The following UBR3 variants were observed in gnomAD, a reference collection of about 807,000 sequenced individuals.
UBR3 encodes the protein E3 ubiquitin-protein ligase UBR3.
UBR3 carries 85 observed loss-of-function variants against 243.2 expected under a neutral mutation model. That is an observed-to-expected ratio of 0.35 (90% CI 0.29 to 0.42). UBR3 has a LOEUF of 0.42. UBR3 is among the 10% of genes least tolerant of loss of function. The pLI is 1.00. For missense variants in UBR3, 1,686 were observed against 2,300.8 expected (o/e 0.73, Z 5.47); for synonymous variants, 748 against 799.8 (o/e 0.94, Z 1.09).
At chr2:169,865,617 T>C (rs1020221482) in intron 1 of UBR3, among the ~76,000 whole-genome samples, 1 of 152,178 alleles carries the variant, frequency 6.6e-6, no homozygotes, top group African/African-American at 2.4e-5. Context: ...CTGCACAAAG[T>C]GTCCAAGAGA....
chr2:169,899,703 A>G (rs2084738813), intron 8 of UBR3, among the ~76,000 whole-genome samples: 1 of 150,754 alleles, frequency 6.6e-6, no homozygotes, highest in East Asian at 2.0e-4. Context: ...CCCTGTGTCC[A>G]TGTGTTCTCA....
In UBR3 at chr2:169,827,640, C is replaced by T; in HGVS notation, c.133C>T (p.Arg45Cys). Residue 45 changes from arginine (R) to cysteine (C), a missense_variant, in exon 1 of 39, where the codon CGC becomes TGC. Around this residue, in one of 8 missense-constraint regions of UBR3, gnomAD observed 79 missense variants for 73.2 expected, o/e 1.08. Coordinates refer to ENST00000272793, the MANE Select transcript of UBR3 (RefSeq NM_172070.4). Reference protein sequence around the residue: ...LKAALSRPDNRAGAEELQALL... With the variant: ...LKAALSRPDNCAGAEELQALL... ...GGCGGCCCTCAGCCGGCCGGACAAC[C>T]GCGCAGGTGCTGAGGAGCTGCAGGC... 1 of 1,262,816 alleles carries T rather than the reference C, an allele frequency of 7.9e-7. No homozygotes were observed. Among genetic ancestry groups the T allele is most frequent in the Non-Finnish European group, 1.0e-6 (1 of 1,003,842 alleles). The allele number at this position is 1,262,816 out of a possible 1,614,324, so 78.2% of individuals were successfully genotyped here. A position where few individuals can be genotyped will look rare whatever the true frequency, so the allele number is the denominator to read the frequency against.
At chr2:169,895,801 C>A (rs1237553905) in intron 7 of UBR3, among the ~76,000 whole-genome samples, 3 of 151,956 alleles carry the variant, frequency 2.0e-5, no homozygotes, top group African/African-American at 7.3e-5. Flanking sequence ...GTTTCTAGTC[C>A]CAGGGGGTCA....
intron 36 of UBR3, among the ~76,000 whole-genome samples, chr2:170,079,391 G>A (rs2091869057): frequency 6.6e-6 from 1 of 152,086 alleles, no homozygotes; most frequent in African/African-American, 2.4e-5. Flanking sequence ...ACCATGATCT[G>A]TCCTAAAGAA....
chr2:169,850,015 A>G (rs1238576393), intron 1 of UBR3, among the ~76,000 whole-genome samples: 3 of 151,944 alleles, frequency 2.0e-5, no homozygotes, highest in Non-Finnish European at 4.4e-5. Context: ...GTTAGTAGAG[A>G]GTTTTGTAGT....
chr2:169,941,704 T>C (rs533711088), intron 19 of UBR3, among the ~76,000 whole-genome samples: 61 of 152,334 alleles, frequency 4.0e-4, no homozygotes, highest in Non-Finnish European at 2.8e-4. Context: ...TAGGAAAACA[T>C]AGTATGTAGA....
intron 35 of UBR3, among the ~76,000 whole-genome samples, chr2:170,063,796 GA>G (rs2105448806): frequency 6.6e-6 from 1 of 152,046 alleles, no homozygotes. Flanking sequence ...TGCTTCCATG[GA>G]AAAAAATTAA....
intron 5 of UBR3, among the ~76,000 whole-genome samples, chr2:169,890,534 G>T (rs1488690604): frequency 0.032 from 555 of 17,216 alleles, 23 homozygotes; most frequent in East Asian, 0.18. Context: ...AGGAGAGAGA[G>T]AGAGAGATAT....
intron 35 of UBR3, among the ~76,000 whole-genome samples, chr2:170,065,945 A>G (rs2105450598): frequency 6.6e-6 from 1 of 151,850 alleles, no homozygotes; most frequent in African/African-American, 2.4e-5. Flanking sequence ...CCCCCCGCAA[A>G]AAAAATGCTT....
intron 6 of UBR3, among the ~76,000 whole-genome samples, chr2:169,894,079 T>G (rs72887757): frequency 0.085 from 12,903 of 152,082 alleles, 724 homozygotes; most frequent in Non-Finnish European, 0.13. Flanking sequence ...TAGAAAATTC[T>G]GAGTTTTGAA....
intron 5 of UBR3, among the ~76,000 whole-genome samples, chr2:169,887,966 G>T (rs2084170534): frequency 6.6e-6 from 1 of 151,304 alleles, no homozygotes; most frequent in Non-Finnish European, 1.5e-5. Flanking sequence ...AGTAGAGATG[G>T]GGTTTCTCCA....
chr2:169,986,900 A>G (rs1481928392), intron 25 of UBR3, 106 bp downstream of exon 25: 18 of 1,245,986 alleles, frequency 1.4e-5, no homozygotes, highest in Non-Finnish European at 2.0e-5. Context: ...GTCTACTTAT[A>G]ACTAGGCAAG....
At chr2:169,926,102 G>C (rs1324908560) in intron 14 of UBR3, among the ~76,000 whole-genome samples, 2 of 152,204 alleles carry the variant, frequency 1.3e-5, no homozygotes, top group Admixed American at 6.5e-5. Flanking sequence ...CCTGGCCCTG[G>C]GTTGATTTAG....
At chr2:169,926,787 T>A in intron 15 of UBR3, 43 bp downstream of exon 15, 2 of 1,544,146 alleles carry the variant, frequency 1.3e-6, no homozygotes, top group South Asian at 1.2e-5. Flanking sequence ...AAGTGTCCAG[T>A]TAATTTTGTT....
intron 35 of UBR3, among the ~76,000 whole-genome samples, chr2:170,071,654 A>AT (rs1239479668): frequency 1.3e-4 from 20 of 152,192 alleles, no homozygotes; most frequent in Non-Finnish European, 1.9e-4. Context: ...GTTAAACTAT[A>AT]TAAATGGAAG....
chr2:169,903,231 C>T (rs544398447), intron 8 of UBR3, among the ~76,000 whole-genome samples: 2 of 152,152 alleles, frequency 1.3e-5, no homozygotes, highest in African/African-American at 4.8e-5. Flanking sequence ...GATTCCAAGG[C>T]GTTTTTTACA....
chr2:169,872,925 T>A (rs1315323499), intron 2 of UBR3, among the ~76,000 whole-genome samples: 1 of 152,146 alleles, frequency 6.6e-6, no homozygotes, highest in East Asian at 1.9e-4. Flanking sequence ...TCTTACTTTT[T>A]AAGATTTAAT....
At chr2:169,921,886 G>T (rs2085712896) in intron 11 of UBR3, among the ~76,000 whole-genome samples, 1 of 152,134 alleles carries the variant, frequency 6.6e-6, no homozygotes, top group African/African-American at 2.4e-5. Context: ...AGCTACTCAG[G>T]AGGCTGAGGC....
chr2:170,079,583 C>G (rs1212417776), intron 36 of UBR3, among the ~76,000 whole-genome samples: 1 of 151,882 alleles, frequency 6.6e-6, no homozygotes, highest in African/African-American at 2.4e-5. Flanking sequence ...GGTGCTTAAT[C>G]TAAAAAATTA....
Sources: allele counts gnomAD v4.1 joint callset (sites outside exome capture counted in the v4.1 genomes callset), GRCh38; gene constraint gnomAD v4.1.1; regional missense constraint gnomAD v4.1.1; transcripts MANE v1.5; gene names NCBI Gene and HGNC (gene_info 2026-07-23, HGNC 2026-07-21).